Variants in FOXN3 observed in about 807,000 individuals in gnomAD.
FOXN3 encodes the protein forkhead box N3.
Under a neutral mutation model 38.4 loss-of-function variants are expected in FOXN3, and 7 were observed. That is an observed-to-expected ratio of 0.18 (90% CI 0.10 to 0.34). FOXN3 has a LOEUF of 0.34. Among genes scored for constraint, FOXN3 ranks in the 10% least tolerant of loss-of-function variants. The pLI is 1.00. For synonymous variants in FOXN3, 230 were observed against 242.2 expected (o/e 0.95, Z 0.47); for missense variants, 456 against 613.4 (o/e 0.74, Z 2.71).
At chr14:89,534,845 T>C (rs1052518838) in intron 1 of FOXN3, among the ~76,000 whole-genome samples, 1 of 152,242 alleles carries the variant, frequency 6.6e-6, no homozygotes, top group African/African-American at 2.4e-5. Context: ...AGGCCCGTTC[T>C]ATCCACTGCT....
intron 4 of FOXN3, among the ~76,000 whole-genome samples, chr14:89,265,501 C>T (rs1461832891): frequency 3.9e-5 from 6 of 152,000 alleles, no homozygotes; most frequent in African/African-American, 1.5e-4. Context: ...ACCAGTGTAG[C>T]CAGAGGAATG....
intron 1 of FOXN3, among the ~76,000 whole-genome samples, chr14:89,464,564 G>A (rs974134633): frequency 6.6e-6 from 1 of 152,212 alleles, no homozygotes; most frequent in South Asian, 2.1e-4. Context: ...TCTGTGATAT[G>A]GTTTGGCTGT....
intron 4 of FOXN3, among the ~76,000 whole-genome samples, chr14:89,258,632 GC>G (rs1198111290): frequency 1.3e-5 from 2 of 152,168 alleles, no homozygotes; most frequent in African/African-American, 2.4e-5. Flanking sequence ...AATGTAAGCA[GC>G]TTTTTTCAGA....
chr14:89,527,064 G>A (rs752906227), intron 1 of FOXN3, among the ~76,000 whole-genome samples: 12 of 151,280 alleles, frequency 7.9e-5, no homozygotes, highest in Non-Finnish European at 1.6e-4. Context: ...GAGAGGAGGA[G>A]GAAGGGGAAG....
chr14:89,482,925 G>A (rs1316606563), intron 1 of FOXN3, among the ~76,000 whole-genome samples: 2 of 138,318 alleles, frequency 1.4e-5, no homozygotes, highest in Admixed American at 7.2e-5. Flanking sequence ...AAAAAAGAAT[G>A]GAGCCAGTGC....
chr14:89,428,552 A>C (rs547107667), intron 1 of FOXN3, among the ~76,000 whole-genome samples: 5 of 152,342 alleles, frequency 3.3e-5, no homozygotes, highest in African/African-American at 9.6e-5. Context: ...CTGGTTTCAA[A>C]GATTTGGCCC....
intron 1 of FOXN3, among the ~76,000 whole-genome samples, chr14:89,506,514 C>A: frequency 1.3e-5 from 2 of 148,214 alleles, no homozygotes; most frequent in African/African-American, 5.0e-5. Flanking sequence ...GGGGGTCAGC[C>A]CCCCGCCTGG....
At chr14:89,211,782 T>A (rs1056531558) in intron 4 of FOXN3, among the ~76,000 whole-genome samples, 3 of 152,232 alleles carry the variant, frequency 2.0e-5, no homozygotes, top group African/African-American at 7.2e-5. Flanking sequence ...GGAAGCATTA[T>A]GATCCTTTGG....
chr14:89,350,146 G>A (rs1358413650), intron 3 of FOXN3: 1 of 152,158 alleles, frequency 6.6e-6, no homozygotes, highest in African/African-American at 2.4e-5. Flanking sequence ...GGGCATGTGA[G>A]GAGGATAAAA....
intron 1 of FOXN3, among the ~76,000 whole-genome samples, chr14:89,455,330 A>G (rs1892699696): frequency 6.6e-6 from 1 of 152,270 alleles, no homozygotes; most frequent in Admixed American, 6.5e-5. Flanking sequence ...GAGTCAGCCA[A>G]GGGAAAACCG....
chr14:89,214,639 C>A (rs1459430403), intron 4 of FOXN3, among the ~76,000 whole-genome samples: 1 of 152,246 alleles, frequency 6.6e-6, no homozygotes, highest in Non-Finnish European at 1.5e-5. Flanking sequence ...AGGGCAGGCA[C>A]TTCATGCTGA....
chr14:89,497,104 A>G (rs1025548161), intron 1 of FOXN3, among the ~76,000 whole-genome samples: 10 of 151,738 alleles, frequency 6.6e-5, no homozygotes, highest in Admixed American at 1.3e-4. Context: ...ACAGGCGCCC[A>G]CCACCACACC....
chr14:89,536,069 A>C (rs1242942411), intron 1 of FOXN3, among the ~76,000 whole-genome samples: 1 of 152,228 alleles, frequency 6.6e-6, no homozygotes, highest in Non-Finnish European at 1.5e-5. Flanking sequence ...AGTCTTTCCA[A>C]TACATCAACA....
At position 89,164,267 on chromosome 14, in the gene FOXN3, A is replaced by G. The variant is rs2139775967; in HGVS notation, c.852-1298T>C. Among the ~76,000 whole-genome samples the G allele has an allele frequency of 1.3e-5, 2 of 152,308 alleles. No individual in the cohort carries two copies. The highest frequency in any genetic ancestry group is 1.3e-4 in the Admixed American group (2 of 15,306). On this transcript the variant is annotated intron_variant, in intron 5 of 5. Coordinates refer to ENST00000557258, the MANE Select transcript of FOXN3 (RefSeq NM_005197.4). The surrounding 1 kb of genome is among the most constrained non-coding windows in gnomAD (Gnocchi z 4.3). The stretch of plus-strand genomic sequence containing the variant: ...GGTCACTTGTAGCTGAAGGGGACGA[A>G]GGGTGGACGCCAGGGAATGTTTTGT...
At chr14:89,611,968 C>A (rs953400798) in intron 1 of FOXN3, among the ~76,000 whole-genome samples, 1 of 152,180 alleles carries the variant, frequency 6.6e-6, no homozygotes, top group East Asian at 1.9e-4. Context: ...TTCTTCCCCC[C>A]GAAGGGAACT....
intron 1 of FOXN3, among the ~76,000 whole-genome samples, chr14:89,610,911 A>C (rs566195052): frequency 6.6e-6 from 1 of 152,350 alleles, no homozygotes; most frequent in African/African-American, 2.4e-5. Context: ...AATATGTGAA[A>C]TCAGACCTGT....
At chr14:89,245,133 C>T (rs1380875319) in intron 4 of FOXN3, among the ~76,000 whole-genome samples, 1 of 152,100 alleles carries the variant, frequency 6.6e-6, no homozygotes, top group Non-Finnish European at 1.5e-5. Flanking sequence ...AGCAGCAGGA[C>T]TGCATACATT....
At position 89,159,288 on chromosome 14, in the gene FOXN3, T is replaced by C. The variant is rs1334550745; in HGVS notation, c.*3126A>G. ...TACAAAGTTAAACACAATTGAGCCA[T>C]TGTTTTGGTTATGCATAATGTGTAT... On this transcript the variant is annotated 3_prime_UTR_variant, in exon 6 of 6. Coordinates refer to ENST00000557258, the MANE Select transcript of FOXN3 (RefSeq NM_005197.4). 6.6e-6 allele frequency: 1 copy of C among 152,598 alleles called. No individual in the cohort carries two copies. The highest frequency in any genetic ancestry group is 1.5e-5 in the Non-Finnish European group (1 of 68,042). 9.5% of individuals were successfully genotyped at this position (152,598 alleles called of 1,614,324 possible).
intron 3 of FOXN3, among the ~76,000 whole-genome samples, chr14:89,285,959 T>C (rs1373976130): frequency 6.6e-6 from 1 of 151,406 alleles, no homozygotes; most frequent in Non-Finnish European, 1.5e-5. Context: ...CTCCAGCTCC[T>C]GGACTCAAGC....
Sources: allele counts gnomAD v4.1 joint callset (sites outside exome capture counted in the v4.1 genomes callset), GRCh38; gene constraint gnomAD v4.1.1; non-coding constraint Gnocchi (gnomAD v3.1); transcripts MANE v1.5; gene names NCBI Gene and HGNC (gene_info 2026-07-23, HGNC 2026-07-21).